Variants in RFTN1 observed in about 807,000 individuals in gnomAD.
RFTN1 encodes raftlin, lipid raft linker 1, also known as raftlin.
Under a neutral mutation model 46.5 loss-of-function variants are expected in RFTN1, and 26 were observed. The observed-to-expected ratio is 0.56, with a 90% CI of 0.41 to 0.78. The LOEUF is 0.78. Among genes scored for constraint, RFTN1 ranks in the 30% least tolerant of loss-of-function variants. The pLI is 0.00. For missense variants in RFTN1, 693 were observed against 718.7 expected, an observed-to-expected ratio of 0.96 and a Z score of 0.41; for synonymous variants, 261 against 284.2, an observed-to-expected ratio of 0.92 and a Z score of 0.82.
Position 16,429,035 on chromosome 3 carries a change from CTAAG to C in RFTN1, c.332+4812_332+4815del, listed in dbSNP as rs1325794997. 6.6e-6 allele frequency among the ~76,000 whole-genome samples: 1 copy of C among 152,292 alleles called. No individual in the cohort carries two copies. Among genetic ancestry groups the C allele is most frequent in the Non-Finnish European group, 1.5e-5 (1 of 68,030 alleles). Reference sequence around the variant, plus strand: ...TACAAACTCTCTTTCTACTTATTCACTAAGTATTTCATATTCAGCTATTCATTCT... The same window carrying C: ...TACAAACTCTCTTTCTACTTATTCACTATTTCATATTCAGCTATTCATTCT... On this transcript the variant is annotated intron_variant, in intron 3 of 9. Coordinates refer to ENST00000334133, the MANE Select transcript of RFTN1 (RefSeq NM_015150.2). The surrounding 1 kb of genome is among the most constrained non-coding windows in gnomAD (Gnocchi z 6.4).
At chr3:16,350,616 TA>T (rs2072035501) in intron 7 of RFTN1, among the ~76,000 whole-genome samples, 1 of 152,134 alleles carries the variant, frequency 6.6e-6, no homozygotes, top group African/African-American at 2.4e-5. Context: ...AAGGCGCTGC[TA>T]AAGTAGATCT....
Position 16,473,970 on chromosome 3 carries a change from A to G in RFTN1, c.145+19755T>C, listed in dbSNP as rs147729906. The stretch of plus-strand genomic sequence containing the variant: ...GTTCTATCGTGCAGTTGCCCACCCA[A>G]TATGGTGAACAACAGCCCTTGGAGA... On this transcript the variant is annotated intron_variant, in intron 2 of 9. Transcript: ENST00000334133. The surrounding 1 kb of genome is among the most constrained non-coding windows in gnomAD (Gnocchi z 5.3). 1.6e-4 allele frequency among the ~76,000 whole-genome samples: 25 copies of G among 152,228 alleles called. No homozygotes were observed. Among genetic ancestry groups the G allele is most frequent in the East Asian group, 1.2e-3 (6 of 5,180 alleles).
Position 16,447,881 on chromosome 3 carries a change from A to G in RFTN1, c.146-13844T>C, listed in dbSNP as rs2075759707. 6.6e-6 allele frequency among the ~76,000 whole-genome samples: 1 copy of G among 152,202 alleles called. No homozygotes were observed. The highest frequency in any genetic ancestry group is 2.4e-5 in the African/African-American group (1 of 41,440). On this transcript the variant is annotated intron_variant, in intron 2 of 9. Coordinates refer to ENST00000334133, the MANE Select transcript of RFTN1 (RefSeq NM_015150.2). This position sits in a 1 kb window ranked among gnomAD's most constrained non-coding sequence, Gnocchi z 5.9. ...GGGCCATGGAGAAGTCTGGCCTTTG[A>G]GGTTACGCATGAGGATCTGATAGGC...
intron 9 of RFTN1, among the ~76,000 whole-genome samples, chr3:16,319,910 G>A (rs1264747352): frequency 6.6e-6 from 1 of 152,162 alleles, no homozygotes; most frequent in Non-Finnish European, 1.5e-5. Context: ...TTTTGAGTAG[G>A]ACCGGGGGAG....
intron 1 of RFTN1, among the ~76,000 whole-genome samples, chr3:16,494,132 T>G (rs2076587225): frequency 6.6e-6 from 1 of 152,170 alleles, no homozygotes; most frequent in African/African-American, 2.4e-5. Context: ...AAAGCATACC[T>G]GTTTTATATC....
At chr3:16,478,453 C>G (rs2076317428) in intron 2 of RFTN1, among the ~76,000 whole-genome samples, 1 of 152,206 alleles carries the variant, frequency 6.6e-6, no homozygotes, top group Non-Finnish European at 1.5e-5. Flanking sequence ...TCTGTGCTCC[C>G]AACAACTCCA....
rs1312966231 is a variant in RFTN1, at chr3:16,316,773, G to A, written c.*55C>T. On this transcript the variant is annotated 3_prime_UTR_variant, in exon 10 of 10. Transcript: ENST00000334133. This position sits in a 1 kb window ranked among gnomAD's most constrained non-coding sequence, Gnocchi z 4.5. ...AAACCAGCCCCCAAACCAGCTGTTG[G>A]TAAGATGCCTTGGGTTTGGCAACTC... The A allele has an allele frequency of 6.2e-7, 1 of 1,604,278 alleles. No individual in the cohort carries two copies.
intron 6 of RFTN1, among the ~76,000 whole-genome samples, chr3:16,368,515 C>G (rs2073341054): frequency 6.6e-6 from 1 of 151,982 alleles, no homozygotes; most frequent in Admixed American, 6.6e-5. Flanking sequence ...ACTAAAAATA[C>G]AAAAAAATTA....
At chr3:16,414,295 G>GA (rs199935896) in intron 3 of RFTN1, among the ~76,000 whole-genome samples, 26,206 of 124,878 alleles carry the variant, frequency 0.21, 2,800 homozygotes, top group Admixed American at 0.28. Flanking sequence ...GGGAAGTCTT[G>GA]AAAAAAAAAA....
intron 1 of RFTN1, among the ~76,000 whole-genome samples, chr3:16,494,486 A>G (rs1021878893): frequency 4.6e-5 from 7 of 152,226 alleles, no homozygotes; most frequent in African/African-American, 1.7e-4. Flanking sequence ...AAATAATTTT[A>G]TACTTCCAAG....
At chr3:16,357,195 C>T (rs934827992) in intron 7 of RFTN1, among the ~76,000 whole-genome samples, 1 of 152,092 alleles carries the variant, frequency 6.6e-6, no homozygotes, top group East Asian at 1.9e-4. Flanking sequence ...CAAATAGCTT[C>T]TCCCTTTATA....
rs924084853 is a variant in RFTN1 at position 16,489,924 on chromosome 3, A to G, written c.145+3801T>C. On this transcript the variant is annotated intron_variant, in intron 2 of 9. Transcript: ENST00000334133. The surrounding 1 kb of genome is among the most constrained non-coding windows in gnomAD (Gnocchi z 4.0). ...CTCCATGTCAAAAAAAAACAAAATA[A>G]AGAAAGAAAAATGAGGTGAGGACGT... Among the ~76,000 whole-genome samples, 3 of 152,162 alleles carry G rather than the reference A, an allele frequency of 2.0e-5. No individual in the cohort carries two copies. Among genetic ancestry groups the G allele is most frequent in the African/African-American group, 4.8e-5 (2 of 41,434 alleles).
chr3:16,415,273 G>A (rs1436838798), intron 3 of RFTN1, among the ~76,000 whole-genome samples: 2 of 151,964 alleles, frequency 1.3e-5, no homozygotes, highest in Non-Finnish European at 2.9e-5. Flanking sequence ...GAGAATGGAT[G>A]ACTTTGCCAG....
intron 8 of RFTN1, among the ~76,000 whole-genome samples, chr3:16,324,736 T>C (rs2069524367): frequency 6.7e-6 from 1 of 149,156 alleles, no homozygotes; most frequent in Non-Finnish European, 1.5e-5. Flanking sequence ...GAGGGACACC[T>C]AAGTTGTTTC....
rs2075125268 is a variant in RFTN1 at position 16,418,499 on chromosome 3, T to TA, written c.333-9017_333-9016insT. ...TTATTTTTGCTTCATTTAGAAATAA[T>TA]CAAAAAAAAATGGTGACAAACACAA... On this transcript the variant is annotated intron_variant, in intron 3 of 9. Coordinates refer to ENST00000334133, the MANE Select transcript of RFTN1 (RefSeq NM_015150.2). This position sits in a 1 kb window ranked among gnomAD's most constrained non-coding sequence, Gnocchi z 5.0. 2.7e-5 allele frequency among the ~76,000 whole-genome samples: 4 copies of TA among 146,954 alleles called. No homozygotes were observed. The highest frequency in any genetic ancestry group is 7.9e-5 in the African/African-American group (3 of 37,978).
At chr3:16,399,619 C>G (rs775289371) in intron 4 of RFTN1, among the ~76,000 whole-genome samples, 2 of 152,172 alleles carry the variant, frequency 1.3e-5, no homozygotes, top group Admixed American at 6.5e-5. Flanking sequence ...GGGCTCAGCC[C>G]TAAGGCCTTT....
chr3:16,390,921 T>C (rs1190346591), intron 4 of RFTN1, among the ~76,000 whole-genome samples: 2 of 152,188 alleles, frequency 1.3e-5, no homozygotes, highest in African/African-American at 4.8e-5. Context: ...CTTTTAAAGT[T>C]TTTCCATCTC....
rs1383983360 is a variant in RFTN1 at position 16,425,110 on chromosome 3, C to T, written c.332+8741G>A. Reference sequence around the variant, plus strand: ...AGACAGACATATAAATAGAAAACTCCAACGCTTTAGTAAAATTATTTGCAA... The same window carrying T: ...AGACAGACATATAAATAGAAAACTCTAACGCTTTAGTAAAATTATTTGCAA... On this transcript the variant is annotated intron_variant, in intron 3 of 9. Coordinates refer to ENST00000334133, the MANE Select transcript of RFTN1 (RefSeq NM_015150.2). The surrounding 1 kb of genome is among the most constrained non-coding windows in gnomAD (Gnocchi z 4.3). Among the ~76,000 whole-genome samples the T allele has an allele frequency of 1.3e-5, 2 of 152,066 alleles. No homozygotes were observed. The highest frequency in any genetic ancestry group is 2.9e-5 in the Non-Finnish European group (2 of 68,004).
Position 16,352,307 on chromosome 3 carries a change from A to G in RFTN1, c.1146+5625T>C, listed in dbSNP as rs765752045. On this transcript the variant is annotated intron_variant, in intron 7 of 9. Transcript: ENST00000334133. This position sits in a 1 kb window ranked among gnomAD's most constrained non-coding sequence, Gnocchi z 4.6. Reference sequence around the variant, plus strand: ...GCTCAGGTAGCACCTGGTGGTGTCTATAAGCTCTGATGGGCTGTCAGGCTC... The same window carrying G: ...GCTCAGGTAGCACCTGGTGGTGTCTGTAAGCTCTGATGGGCTGTCAGGCTC... 5.9e-5 allele frequency among the ~76,000 whole-genome samples: 9 copies of G among 152,232 alleles called. No homozygotes were observed. The highest frequency in any genetic ancestry group is 1.2e-4 in the Non-Finnish European group (8 of 68,040).
Sources: allele counts gnomAD v4.1 joint callset (sites outside exome capture counted in the v4.1 genomes callset), GRCh38; gene constraint gnomAD v4.1.1; non-coding constraint Gnocchi (gnomAD v3.1); transcripts MANE v1.5; gene names NCBI Gene and HGNC (gene_info 2026-07-23, HGNC 2026-07-21).